STK32B: variants seen among roughly 807,000 people sequenced by gnomAD.
The protein encoded by STK32B is serine/threonine-protein kinase 32B.
Under a neutral mutation model 52.6 loss-of-function variants are expected in STK32B, and 43 were observed. That is an observed-to-expected ratio of 0.82 (90% CI 0.64 to 1.05). STK32B has a LOEUF of 1.05. Ranked by LOEUF, STK32B falls within the 50% of genes least tolerant of loss-of-function variation. The pLI is 0.00. For synonymous variants in STK32B, 238 were observed against 204.3 expected, an observed-to-expected ratio of 1.17 and a Z score of -1.41; for missense variants, 621 against 534.6, an observed-to-expected ratio of 1.16 and a Z score of -1.59.
intron 3 of STK32B, among the ~76,000 whole-genome samples, chr4:5,191,543 C>A (rs376135187): frequency 6.6e-6 from 1 of 151,842 alleles, no homozygotes. Flanking sequence ...TGTGAGCCAC[C>A]GCGCCTTGCC....
intron 3 of STK32B, among the ~76,000 whole-genome samples, chr4:5,174,154 G>A (rs1264187529): frequency 6.6e-6 from 1 of 151,938 alleles, no homozygotes; most frequent in African/African-American, 2.4e-5. Flanking sequence ...CATTTTCTTG[G>A]TCGATCTTCC....
intron 3 of STK32B, among the ~76,000 whole-genome samples, chr4:5,311,410 G>A (rs894841688): frequency 2.0e-5 from 3 of 151,968 alleles, no homozygotes; most frequent in Non-Finnish European, 4.4e-5. Context: ...TAAACCCAAG[G>A]CAAGCTGAAA....
At chr4:5,456,382 G>A (rs1434835484) in intron 7 of STK32B, among the ~76,000 whole-genome samples, 1 of 152,266 alleles carries the variant, frequency 6.6e-6, no homozygotes, top group Non-Finnish European at 1.5e-5. Context: ...GGCCAGTTCG[G>A]CCCGGACAGG....
At chr4:5,271,096 C>A (rs1389937243) in intron 3 of STK32B, among the ~76,000 whole-genome samples, 1 of 152,064 alleles carries the variant, frequency 6.6e-6, no homozygotes, top group Admixed American at 6.5e-5. Flanking sequence ...TGCCACCATG[C>A]CCGGCTAATT....
chr4:5,334,307 T>C (rs1732479524), intron 4 of STK32B, among the ~76,000 whole-genome samples: 1 of 152,068 alleles, frequency 6.6e-6, no homozygotes, highest in Non-Finnish European at 1.5e-5. Context: ...AGAATGCTTG[T>C]GATTTTTATA....
chr4:5,193,996 G>A (rs1372128612), intron 3 of STK32B, among the ~76,000 whole-genome samples: 1 of 152,188 alleles, frequency 6.6e-6, no homozygotes, highest in African/African-American at 2.4e-5. Context: ...CTTTGCACAT[G>A]TTCTATCTGA....
rs549011024 is a variant in STK32B at position 5,400,121 on chromosome 4, G to C, written c.472+1877G>C. On this transcript the variant is annotated intron_variant, in intron 5 of 11. Coordinates refer to ENST00000282908, the MANE Select transcript of STK32B (RefSeq NM_018401.3). This position sits in a 1 kb window ranked among gnomAD's most constrained non-coding sequence, Gnocchi z 6.1. ...TGCACTGATGAGGAAAAGTGACACA[G>C]AGAGTATGGGGGTAACCCAGGACTG... 6.6e-6 allele frequency among the ~76,000 whole-genome samples: 1 copy of C among 152,046 alleles called. No homozygotes were observed. Among genetic ancestry groups the C allele is most frequent in the South Asian group, 2.1e-4 (1 of 4,824 alleles).
chr4:5,378,185 A>G lies in STK32B; in HGVS notation c.435-20022A>G, dbSNP rs1297705880. ...CTGAGTGTTCATTCATGTCCAGTCC[A>G]GTAGCGCCCACTGGTGACAGCAGGC... On this transcript the variant is annotated intron_variant, in intron 4 of 11. Coordinates refer to ENST00000282908, the MANE Select transcript of STK32B (RefSeq NM_018401.3). The surrounding 1 kb of genome is among the most constrained non-coding windows in gnomAD (Gnocchi z 4.4). Among the ~76,000 whole-genome samples the G allele has an allele frequency of 1.3e-5, 2 of 152,238 alleles. No individual in the cohort carries two copies. Among genetic ancestry groups the G allele is most frequent in the Non-Finnish European group, 2.9e-5 (2 of 68,040 alleles).
chr4:5,356,630 C>A (rs1734184744), intron 4 of STK32B, among the ~76,000 whole-genome samples: 1 of 152,080 alleles, frequency 6.6e-6, no homozygotes. Context: ...AAATTTGCAA[C>A]CAGGCGGTCC....
In STK32B at chr4:5,460,743, C is replaced by T. The variant is rs146171164; in HGVS notation, c.909+515C>T. ...CACTGAGCCTTCCAGGCAAAGGGAT[C>T]GACAAGATCACACTCTTGAAGGCAG... On this transcript the variant is annotated intron_variant, in intron 9 of 11. Coordinates refer to ENST00000282908, the MANE Select transcript of STK32B (RefSeq NM_018401.3). This position sits in a 1 kb window ranked among gnomAD's most constrained non-coding sequence, Gnocchi z 4.8. 1.3e-5 allele frequency among the ~76,000 whole-genome samples: 2 copies of T among 151,994 alleles called. No homozygotes were observed. The highest frequency in any genetic ancestry group is 2.9e-5 in the Non-Finnish European group (2 of 68,020).
chr4:5,054,393 T>G (rs1741917368), intron 1 of STK32B, among the ~76,000 whole-genome samples: 1 of 151,770 alleles, frequency 6.6e-6, no homozygotes, highest in Non-Finnish European at 1.5e-5. Context: ...GACTGGCATC[T>G]TGCAGAAATG....
At chr4:5,495,440 C>G (rs997817250) in intron 11 of STK32B, among the ~76,000 whole-genome samples, 12 of 152,132 alleles carry the variant, frequency 7.9e-5, no homozygotes, top group African/African-American at 2.7e-4. Context: ...CTCCTTTAAG[C>G]ACTTCTCTCT....
intron 11 of STK32B, among the ~76,000 whole-genome samples, chr4:5,477,031 G>A (rs544856167): frequency 2.0e-5 from 3 of 152,078 alleles, no homozygotes; most frequent in Non-Finnish European, 4.4e-5. Context: ...AGAACAAAGC[G>A]AGACTATATT....
At chr4:5,128,262 T>C (rs1227427019) in intron 1 of STK32B, among the ~76,000 whole-genome samples, 2 of 152,180 alleles carry the variant, frequency 1.3e-5, no homozygotes, top group Admixed American at 1.3e-4. Context: ...TGGTGGTAGC[T>C]TGTTACAACT....
intron 4 of STK32B, among the ~76,000 whole-genome samples, chr4:5,338,312 ATT>A (rs1422036830): frequency 1.3e-5 from 2 of 152,166 alleles, no homozygotes; most frequent in African/African-American, 4.8e-5. Flanking sequence ...ACAACTGTTC[ATT>A]TACTCAGTCA....
At chr4:5,221,545 G>T (rs960211444) in intron 3 of STK32B, among the ~76,000 whole-genome samples, 1 of 152,200 alleles carries the variant, frequency 6.6e-6, no homozygotes, top group Non-Finnish European at 1.5e-5. Flanking sequence ...AACCTCAGAT[G>T]TGAAATGGGG....
At chr4:5,068,580 A>G (rs1286190712) in intron 1 of STK32B, among the ~76,000 whole-genome samples, 1 of 152,026 alleles carries the variant, frequency 6.6e-6, no homozygotes, top group African/African-American at 2.4e-5. Flanking sequence ...TTTCTGTATA[A>G]CTGAAAAGCT....
chr4:5,274,000 AGAAAC>A (rs1267124552), intron 3 of STK32B, among the ~76,000 whole-genome samples: 2 of 151,892 alleles, frequency 1.3e-5, no homozygotes, highest in Non-Finnish European at 2.9e-5. Context: ...ATAAAAAAAA[AGAAAC>A]AAAAAAACAA....
At chr4:5,097,528 C>G (rs1045536426) in intron 1 of STK32B, among the ~76,000 whole-genome samples, 4 of 152,218 alleles carry the variant, frequency 2.6e-5, no homozygotes, top group Non-Finnish European at 5.9e-5. Context: ...AAACATCTCT[C>G]TCTCATGTGT....
Sources: allele counts gnomAD v4.1 joint callset (sites outside exome capture counted in the v4.1 genomes callset), GRCh38; gene constraint gnomAD v4.1.1; non-coding constraint Gnocchi (gnomAD v3.1); transcripts MANE v1.5; gene names NCBI Gene and HGNC (gene_info 2026-07-23, HGNC 2026-07-21).